Variants in CDH22 observed in about 807,000 individuals in gnomAD.
The protein encoded by CDH22 is cadherin 22.
Under a neutral mutation model 58.4 loss-of-function variants are expected in CDH22, and 30 were observed. That is an observed-to-expected ratio of 0.51 (90% CI 0.38 to 0.70). CDH22 has a LOEUF of 0.70. Among genes scored for constraint, CDH22 ranks in the 30% least tolerant of loss-of-function variants. The pLI, the probability that CDH22 is intolerant of heterozygous loss-of-function variation, is 0.00. For synonymous variants in CDH22, 513 were observed against 558.2 expected (o/e 0.92, Z 1.14); for missense variants, 1,014 against 1,233.9 (o/e 0.82, Z 2.67).
chr20:46,201,390 C>T (rs2085960485), intron 7 of CDH22, among the ~76,000 whole-genome samples: 1 of 152,234 alleles, frequency 6.6e-6, no homozygotes, highest in South Asian at 2.1e-4. Context: ...GCTGCATTGC[C>T]AAACCTCTCT....
At chr20:46,222,207 T>C (rs1321868750) in intron 4 of CDH22, among the ~76,000 whole-genome samples, 1 of 152,196 alleles carries the variant, frequency 6.6e-6, no homozygotes, top group Non-Finnish European at 1.5e-5. Flanking sequence ...CTGGATTGAG[T>C]ACCTCCATAA....
At chr20:46,214,460 C>A (rs77666362) in intron 5 of CDH22, among the ~76,000 whole-genome samples, 1 of 152,232 alleles carries the variant, frequency 6.6e-6, no homozygotes, top group East Asian at 1.9e-4. Context: ...CATGCCACTC[C>A]CCTGCTTTAA....
rs1040272501 is a variant in CDH22, at chr20:46,252,051, G to A, written c.-399-358C>T. Among the ~76,000 whole-genome samples, 12 of 151,692 alleles carry A rather than the reference G, an allele frequency of 7.9e-5. No individual in the cohort carries two copies. The South Asian group carries it at 1.0e-3, about 13-fold the overall frequency. On this transcript the variant is annotated intron_variant, in intron 1 of 11. Transcript: ENST00000537909. ...CTGACAATCTCTCCAGCCCTGCCCAGCCCCCAGAAATCCCCCACCCTAGGT... is the reference window on the plus strand; with the variant it reads ...CTGACAATCTCTCCAGCCCTGCCCAACCCCCAGAAATCCCCCACCCTAGGT...
intron 1 of CDH22, among the ~76,000 whole-genome samples, chr20:46,255,065 A>G (rs1016326372): frequency 5.9e-5 from 9 of 152,192 alleles, no homozygotes; most frequent in Non-Finnish European, 1.0e-4. Flanking sequence ...TCTGTCACCC[A>G]GGCTGGAGTG....
In CDH22 at chr20:46,241,265, G is replaced by A; in HGVS notation, c.256-8C>T. ...GTCTGAGTCGGAGTGGATCTGGGTA[G>A]GCAGAGAAGAAGGCAAGGTGGAGGC... On this transcript the variant is annotated splice_polypyrimidine_tract_variant and splice_region_variant and intron_variant, in intron 2 of 11. Coordinates refer to ENST00000537909, the MANE Select transcript of CDH22 (RefSeq NM_021248.3). This position sits in a 1 kb window ranked among gnomAD's most constrained non-coding sequence, Gnocchi z 5.2. The A allele has an allele frequency of 2.5e-6, 4 of 1,582,060 alleles. No individual in the cohort carries two copies. The highest frequency in any genetic ancestry group is 1.7e-5 in the Admixed American group (1 of 57,722).
At chr20:46,209,782 G>C (rs181620728) in intron 7 of CDH22, 1 of 153,108 alleles carries the variant, frequency 6.5e-6, no homozygotes, top group African/African-American at 2.4e-5. Context: ...TGGAAGGATA[G>C]AGCTGTCATT....
At chr20:46,199,670 C>G (rs1439747973) in intron 7 of CDH22, 111 bp from the exon 8 acceptor site, 1 of 1,356,558 alleles carries the variant, frequency 7.4e-7, no homozygotes, top group African/African-American at 1.4e-5. Context: ...TGGACACACA[C>G]AAGGGGCAGA....
chr20:46,175,130 A>C (rs2085729524), intron 11 of CDH22, 53 bp from the exon 12 acceptor site: 3 of 1,544,476 alleles, frequency 1.9e-6, no homozygotes, highest in Admixed American at 1.8e-5. Context: ...CCAGGGCATT[A>C]GAAGGACCCT....
At chr20:46,244,223 C>G (rs6074077) in intron 2 of CDH22, among the ~76,000 whole-genome samples, 42,852 of 152,084 alleles carry the variant, frequency 0.28, 6,277 homozygotes, top group African/African-American at 0.38. Flanking sequence ...TGGAGAGGAG[C>G]GAGTAGAACC....
Position 46,280,312 on chromosome 20 carries a change from C to T in CDH22, c.-400+27943G>A, listed in dbSNP as rs572092485. Reference sequence around the variant, plus strand: ...GTGTGGGCCTGTAGTCCCAGCTACTCGGGAGGCTGAGGCAGGAGAATCGCT... The same window carrying T: ...GTGTGGGCCTGTAGTCCCAGCTACTTGGGAGGCTGAGGCAGGAGAATCGCT... On this transcript the variant is annotated intron_variant, in intron 1 of 11. Coordinates refer to ENST00000537909, the MANE Select transcript of CDH22 (RefSeq NM_021248.3). Among the ~76,000 whole-genome samples the T allele has an allele frequency of 7.2e-5, 11 of 152,152 alleles. No individual in the cohort carries two copies. The East Asian group carries it at 1.5e-3, about 21-fold the overall frequency.
At chr20:46,184,590 T>A (rs1014576436) in intron 10 of CDH22, among the ~76,000 whole-genome samples, 1 of 152,232 alleles carries the variant, frequency 6.6e-6, no homozygotes, top group Admixed American at 6.5e-5. Flanking sequence ...CTCACTAGAA[T>A]ATAAACTAGG....
intron 7 of CDH22, among the ~76,000 whole-genome samples, chr20:46,205,249 T>TGGTAATGAC (rs1159517585): frequency 2.7e-5 from 4 of 150,100 alleles, no homozygotes; most frequent in Non-Finnish European, 5.9e-5. Context: ...CCAAGAAAAA[T>TGGTAATGAC]GGTAATGACC....
At chr20:46,252,477 T>C (rs2086383850) in intron 1 of CDH22, among the ~76,000 whole-genome samples, 1 of 152,264 alleles carries the variant, frequency 6.6e-6, no homozygotes, top group African/African-American at 2.4e-5. Flanking sequence ...CTCTATCAGA[T>C]CCTGCTTTCA....
At chr20:46,199,273 C>T (rs1311198328) in intron 8 of CDH22, 150 bp downstream of exon 8, 4 of 940,452 alleles carry the variant, frequency 4.3e-6, no homozygotes, top group Non-Finnish European at 4.6e-6. Context: ...GTTTCTTTCT[C>T]TTCGCACCAT....
chr20:46,189,995 G>A (rs1434764738), intron 8 of CDH22, among the ~76,000 whole-genome samples: 1 of 151,778 alleles, frequency 6.6e-6, no homozygotes, highest in Non-Finnish European at 1.5e-5. Flanking sequence ...CTGTAGCAAG[G>A]TTTGCAAACC....
intron 8 of CDH22, among the ~76,000 whole-genome samples, chr20:46,197,301 T>C (rs2085912297): frequency 6.7e-6 from 1 of 150,016 alleles, no homozygotes; most frequent in African/African-American, 2.4e-5. Context: ...CCAGGATATA[T>C]ATATATATAT....
At chr20:46,193,071 T>C (rs1034602379) in intron 8 of CDH22, among the ~76,000 whole-genome samples, 3 of 151,956 alleles carry the variant, frequency 2.0e-5, no homozygotes, top group African/African-American at 7.3e-5. Flanking sequence ...GACTTCTGGG[T>C]GAAGCAGGGA....
chr20:46,250,611 A>C (rs1248929656), intron 2 of CDH22, among the ~76,000 whole-genome samples: 2 of 152,230 alleles, frequency 1.3e-5, no homozygotes, highest in Non-Finnish European at 2.9e-5. Flanking sequence ...TGAAACTCAG[A>C]GACTGTGGCA....
intron 3 of CDH22, among the ~76,000 whole-genome samples, chr20:46,235,341 G>A (rs190145062): frequency 2.6e-5 from 4 of 152,292 alleles, no homozygotes; most frequent in Admixed American, 2.0e-4. Context: ...TTGAAAGAAT[G>A]TCTAGTCCAA....
Sources: allele counts gnomAD v4.1 joint callset (sites outside exome capture counted in the v4.1 genomes callset), GRCh38; gene constraint gnomAD v4.1.1; non-coding constraint Gnocchi (gnomAD v3.1); transcripts MANE v1.5; gene names NCBI Gene and HGNC (gene_info 2026-07-23, HGNC 2026-07-21).